The following MTCL2 variants were observed in gnomAD, a reference collection of about 807,000 sequenced individuals.
MTCL2 encodes microtubule crosslinking factor 2, also known as microtubule cross-linking factor 2.
the MTCL2 span, among the ~76,000 whole-genome samples, chr20:36,795,915 C>G: frequency 6.6e-6 from 1 of 152,330 alleles, no homozygotes; most frequent in African/African-American, 2.4e-5. Flanking sequence ...GCCCCAGCCT[C>G]CTTGTGGTGG....
chr20:36,858,311 A>AACACACAC, the MTCL2 span, among the ~76,000 whole-genome samples: 99 of 31,830 alleles, frequency 3.1e-3, 5 homozygotes, highest in South Asian at 5.5e-3. Flanking sequence ...AAGGAGGGAA[A>AACACACAC]ACACACACAC....
At chr20:36,813,075 G>A in the MTCL2 span, among the ~76,000 whole-genome samples, 7 of 152,298 alleles carry the variant, frequency 4.6e-5, no homozygotes, top group African/African-American at 7.2e-5. Context: ...AGGTAAGTGC[G>A]AAGTGATTTT....
At chr20:36,804,898 T>C in the MTCL2 span, 50 of 1,610,026 alleles carry the variant, frequency 3.1e-5, no homozygotes, top group Admixed American at 8.3e-5. Flanking sequence ...GATGTACTCA[T>C]TGGGCTGCAG....
the MTCL2 span, among the ~76,000 whole-genome samples, chr20:36,835,549 C>A: frequency 1.3e-5 from 2 of 152,294 alleles, no homozygotes; most frequent in South Asian, 4.1e-4. Context: ...CAGCGCCCGC[C>A]CCCTCCCCAC....
chr20:36,834,394 G>A, the MTCL2 span, among the ~76,000 whole-genome samples: 21 of 152,238 alleles, frequency 1.4e-4, no homozygotes, highest in South Asian at 3.3e-3. Flanking sequence ...GGAAGGGGGC[G>A]TGCTCCTGGT....
At chr20:36,827,356 C>A in the MTCL2 span, among the ~76,000 whole-genome samples, 1,973 of 146,126 alleles carry the variant, frequency 0.014, 7 homozygotes, top group Middle Eastern at 0.045. Flanking sequence ...CCTGGACCCC[C>A]CTTTTTTTTT....
At chr20:36,805,784 G>T in the MTCL2 span, 1 of 1,326,194 alleles carries the variant, frequency 7.5e-7, no homozygotes, top group South Asian at 1.5e-5. Flanking sequence ...GAAAGCAGTA[G>T]GAATTGATTA....
At chr20:36,841,009 A>G in the MTCL2 span, among the ~76,000 whole-genome samples, 1 of 151,894 alleles carries the variant, frequency 6.6e-6, no homozygotes, top group South Asian at 2.1e-4. Flanking sequence ...CCAGAAAATA[A>G]TAATAACAAA....
the MTCL2 span, chr20:36,808,698 G>T: frequency 6.2e-7 from 1 of 1,606,652 alleles, no homozygotes; most frequent in Non-Finnish European, 8.5e-7. Context: ...AGACTCTGCA[G>T]CTCAAACTCC....
chr20:36,829,016 G>GCC, the MTCL2 span: 1 of 1,508,034 alleles, frequency 6.6e-7, no homozygotes, highest in Non-Finnish European at 8.9e-7. Flanking sequence ...GTGCCCACCT[G>GCC]CCCTAGGCTG....
the MTCL2 span, among the ~76,000 whole-genome samples, chr20:36,809,002 T>C: frequency 2.6e-5 from 4 of 152,324 alleles, no homozygotes; most frequent in East Asian, 7.7e-4. Flanking sequence ...GAGCACCTCC[T>C]GGGCACCAAA....
the MTCL2 span, among the ~76,000 whole-genome samples, chr20:36,827,319 C>T: frequency 7.3e-5 from 11 of 149,686 alleles, no homozygotes; most frequent in African/African-American, 2.7e-4. Context: ...TCCCAAAGTG[C>T]TGGGATTACA....
the MTCL2 span, among the ~76,000 whole-genome samples, chr20:36,814,448 A>G: frequency 1.3e-5 from 2 of 152,236 alleles, no homozygotes; most frequent in Non-Finnish European, 2.9e-5. Flanking sequence ...AATACTGAAC[A>G]TTTAAAATGT....
At chr20:36,814,467 G>T in the MTCL2 span, among the ~76,000 whole-genome samples, 1 of 152,180 alleles carries the variant, frequency 6.6e-6, no homozygotes, top group African/African-American at 2.4e-5. Flanking sequence ...GTGACTATTA[G>T]GCCACACACA....
At chr20:36,793,897 G>C in the MTCL2 span, 1 of 1,550,812 alleles carries the variant, frequency 6.4e-7, no homozygotes, top group Admixed American at 2.0e-5. This position sits in a 1 kb window ranked among gnomAD's most constrained non-coding sequence, Gnocchi z 6.8. Flanking sequence ...GGCTGCTGCG[G>C]GGTGGGTCGG....
chr20:36,792,319 C>G, the MTCL2 span, among the ~76,000 whole-genome samples: 1 of 152,036 alleles, frequency 6.6e-6, no homozygotes, highest in African/African-American at 2.4e-5. Flanking sequence ...ACCAGCCTGG[C>G]CAACATGGTG....
the MTCL2 span, chr20:36,829,190 C>T: frequency 2.5e-6 from 4 of 1,610,634 alleles, no homozygotes; most frequent in Non-Finnish European, 1.7e-6. Flanking sequence ...CTTATGCAGC[C>T]GCATGGAGAT....
the MTCL2 span, among the ~76,000 whole-genome samples, chr20:36,858,923 T>C: frequency 2.6e-5 from 4 of 152,168 alleles, no homozygotes; most frequent in African/African-American, 9.7e-5. Flanking sequence ...CCTGAGTAGC[T>C]GGGATTACAG....
the MTCL2 span, among the ~76,000 whole-genome samples, chr20:36,837,348 C>T: frequency 2.0e-5 from 3 of 152,054 alleles, no homozygotes; most frequent in Non-Finnish European, 4.4e-5. Context: ...CCCACCCTTC[C>T]CCTGCTTCCT....
Sources: allele counts gnomAD v4.1 joint callset (sites outside exome capture counted in the v4.1 genomes callset), GRCh38; gene constraint gnomAD v4.1.1; non-coding constraint Gnocchi (gnomAD v3.1); transcripts MANE v1.5; gene names NCBI Gene and HGNC (gene_info 2026-07-23, HGNC 2026-07-21).